Variants in CDH13 observed in about 807,000 individuals in gnomAD.
CDH13 encodes the protein cadherin 13, also known as cadherin-13.
Under a neutral mutation model 63.8 loss-of-function variants are expected in CDH13, and 24 were observed. The observed-to-expected ratio is 0.38, with a 90% CI of 0.27 to 0.53. The LOEUF (loss-of-function observed/expected upper bound fraction) is 0.53. Among genes scored for constraint, CDH13 ranks in the 20% least tolerant of loss-of-function variants. The pLI, the probability that CDH13 is intolerant of heterozygous loss-of-function variation, is 0.85. For missense variants in CDH13, 1,049 were observed against 903.1 expected (o/e 1.16, Z -2.07); for synonymous variants, 503 against 355.3 (o/e 1.42, Z -4.67).
intron 2 of CDH13, among the ~76,000 whole-genome samples, chr16:82,980,785 T>C (rs966455166): frequency 6.6e-6 from 1 of 152,212 alleles, no homozygotes; most frequent in Non-Finnish European, 1.5e-5. Context: ...TCTCTGGTCC[T>C]CATTTTTCAA....
At chr16:83,777,765 G>A (rs1210514670) in intron 11 of CDH13, among the ~76,000 whole-genome samples, 6 of 152,132 alleles carry the variant, frequency 3.9e-5, no homozygotes, top group African/African-American at 9.7e-5. Context: ...TCTAACCCCC[G>A]TGTAACCTGA....
intron 2 of CDH13, among the ~76,000 whole-genome samples, chr16:83,016,639 G>A (rs1248162288): frequency 6.6e-6 from 1 of 152,064 alleles, no homozygotes; most frequent in Non-Finnish European, 1.5e-5. Flanking sequence ...TTCCCTTTAG[G>A]AAGGAGATCC....
intron 2 of CDH13, among the ~76,000 whole-genome samples, chr16:82,968,341 A>C (rs1269659606): frequency 6.6e-6 from 1 of 152,190 alleles, no homozygotes; most frequent in Non-Finnish European, 1.5e-5. Flanking sequence ...GAAAATGTGT[A>C]ATTTTCCAAG....
rs185454150 is a variant in CDH13, at chr16:82,692,335, A to G, written c.45+65198A>G. On this transcript the variant is annotated intron_variant, in intron 1 of 13. Transcript: ENST00000567109. ...AGACATACCCGAGGCTGGGAAATTT[A>G]TAAAGGAAAGAGGATTAATTGACTC... Among the ~76,000 whole-genome samples, 5 of 152,342 alleles carry G rather than the reference A, an allele frequency of 3.3e-5. No individual in the cohort carries two copies. In the East Asian group the frequency reaches 7.7e-4, roughly 23 times the overall value.
intron 10 of CDH13, among the ~76,000 whole-genome samples, chr16:83,705,539 G>A (rs557030005): frequency 6.6e-6 from 1 of 152,196 alleles, no homozygotes; most frequent in South Asian, 2.1e-4. Flanking sequence ...GGAGAATGGC[G>A]TGAACCCGGG....
At chr16:83,579,972 G>T (rs975544748) in intron 7 of CDH13, among the ~76,000 whole-genome samples, 2 of 152,214 alleles carry the variant, frequency 1.3e-5, no homozygotes, top group Admixed American at 6.5e-5. Context: ...CAGGCAAAGG[G>T]AATGGCGTTT....
chr16:82,700,502 C>T (rs1386713907), intron 1 of CDH13, among the ~76,000 whole-genome samples: 1 of 143,892 alleles, frequency 6.9e-6, no homozygotes, highest in Non-Finnish European at 1.5e-5. Flanking sequence ...AAGGAAGATA[C>T]AAGAATTAGG....
intron 5 of CDH13, among the ~76,000 whole-genome samples, chr16:83,255,413 A>G (rs1352133871): frequency 1.3e-5 from 2 of 152,192 alleles, no homozygotes; most frequent in Non-Finnish European, 2.9e-5. Context: ...CACAGATAAA[A>G]GACTATTAAG....
chr16:82,867,821 T>C (rs543970359), intron 2 of CDH13, among the ~76,000 whole-genome samples: 2 of 152,220 alleles, frequency 1.3e-5, no homozygotes, highest in Non-Finnish European at 2.9e-5. Context: ...TGGATAGTAA[T>C]AAATGGATGA....
intron 1 of CDH13, among the ~76,000 whole-genome samples, chr16:82,648,117 C>T (rs1201079852): frequency 1.3e-5 from 2 of 152,156 alleles, no homozygotes; most frequent in Non-Finnish European, 2.9e-5. Flanking sequence ...AACTGTGTGT[C>T]CATTAAAACT....
At chr16:82,952,988 A>G (rs190227811) in intron 2 of CDH13, among the ~76,000 whole-genome samples, 1 of 152,352 alleles carries the variant, frequency 6.6e-6, no homozygotes, top group East Asian at 1.9e-4. Context: ...TGTACTCAGC[A>G]CATCTGCTTG....
At chr16:82,915,945 G>T (rs958600600) in intron 2 of CDH13, among the ~76,000 whole-genome samples, 1 of 151,528 alleles carries the variant, frequency 6.6e-6, no homozygotes, top group Non-Finnish European at 1.5e-5. Context: ...CATGAAAGAA[G>T]GCAGCTTGTG....
Position 83,016,912 on chromosome 16 carries a change from T to C in CDH13, c.158-15098T>C, listed in dbSNP as rs571900353. On this transcript the variant is annotated intron_variant, in intron 2 of 13. Coordinates refer to ENST00000567109, the MANE Select transcript of CDH13 (RefSeq NM_001257.5). Reference sequence around the variant, plus strand: ...GACATTCTGAAGTCCTTGGATCAAATTTCTGTGCTGTTCTTTTCTCCTCCA... The same window carrying C: ...GACATTCTGAAGTCCTTGGATCAAACTTCTGTGCTGTTCTTTTCTCCTCCA... Among the ~76,000 whole-genome samples, 9 of 152,326 alleles carry C rather than the reference T, an allele frequency of 5.9e-5. No individual in the cohort carries two copies. In the South Asian group the frequency reaches 1.9e-3, roughly 32 times the overall value.
intron 7 of CDH13, among the ~76,000 whole-genome samples, chr16:83,528,467 C>T (rs1465369703): frequency 2.0e-5 from 3 of 152,162 alleles, no homozygotes; most frequent in Non-Finnish European, 4.4e-5. Context: ...GAAACATCAA[C>T]TCCCATGAGG....
chr16:82,657,473 C>A (rs549682492), intron 1 of CDH13, among the ~76,000 whole-genome samples: 85 of 152,232 alleles, frequency 5.6e-4, no homozygotes, highest in African/African-American at 2.0e-3. Context: ...AGTGGGATGA[C>A]AGAAGATTTC....
chr16:83,494,615 C>T (rs1021910824), intron 7 of CDH13, among the ~76,000 whole-genome samples: 2 of 152,282 alleles, frequency 1.3e-5, no homozygotes, highest in South Asian at 4.1e-4. Flanking sequence ...CTTTAATGTA[C>T]TCAGTGTCCA....
rs1298850691 is a variant in CDH13, at chr16:83,780,221, T to C, written c.1915+20T>C. 6.9e-7 allele frequency: 1 copy of C among 1,447,150 alleles called. No individual in the cohort carries two copies. The highest frequency in any genetic ancestry group is 2.4e-5 in the East Asian group (1 of 41,762). 89.6% of individuals were successfully genotyped at this position (1,447,150 alleles called of 1,614,324 possible). On this transcript the variant is annotated intron_variant, in intron 12 of 13. Coordinates refer to ENST00000567109, the MANE Select transcript of CDH13 (RefSeq NM_001257.5). ...TCAACAGTAAGTCTGGCTAAAGCAT[T>C]TCTGCCTATTCTTCCAGCTTTCAGT...
chr16:82,984,001 T>G (rs544994761), intron 2 of CDH13, among the ~76,000 whole-genome samples: 4 of 152,110 alleles, frequency 2.6e-5, no homozygotes, highest in African/African-American at 9.7e-5. Flanking sequence ...CTGCCGTGGG[T>G]GGGAAGCTGG....
At chr16:83,278,287 C>G (rs1487643932) in intron 5 of CDH13, among the ~76,000 whole-genome samples, 3 of 152,178 alleles carry the variant, frequency 2.0e-5, no homozygotes, top group Non-Finnish European at 2.9e-5. Flanking sequence ...CCAGATCCAG[C>G]TTAAAGTCAT....
Sources: allele counts gnomAD v4.1 joint callset (sites outside exome capture counted in the v4.1 genomes callset), GRCh38; gene constraint gnomAD v4.1.1; transcripts MANE v1.5; gene names NCBI Gene and HGNC (gene_info 2026-07-23, HGNC 2026-07-21).